Variants in PBX1 observed in about 807,000 individuals in gnomAD.
PBX1 encodes the protein PBX homeobox 1, also known as pre-B-cell leukemia transcription factor 1.
Under a neutral mutation model 53.4 loss-of-function variants are expected in PBX1, and 6 were observed. That is an observed-to-expected ratio of 0.11 (90% confidence interval 0.06 to 0.22). PBX1 has a LOEUF of 0.22. PBX1 is among the 10% of genes least tolerant of loss of function. The probability of loss-of-function intolerance (pLI) is 1.00; values close to 1 mark genes in which losing one functional copy is unlikely to be tolerated. For synonymous variants in PBX1, 204 were observed against 212.3 expected (o/e 0.96, Z 0.34); for missense variants, 251 against 551.4 (o/e 0.46, Z 5.46).
chr1:164,830,039 CTTTTGGCCAGTG>C (rs995966745), intron 8 of PBX1: 3 of 152,050 alleles, frequency 2.0e-5, no homozygotes, highest in African/African-American at 7.2e-5. Flanking sequence ...TCAGTAGCCA[CTTTTGGCCAGTG>C]GCTACCATGT....
chr1:164,768,613 G>C (rs1667197092), intron 2 of PBX1, among the ~76,000 whole-genome samples: 1 of 152,236 alleles, frequency 6.6e-6, no homozygotes, highest in Admixed American at 6.5e-5. Flanking sequence ...CAGCCAGCAA[G>C]AACAGTTGCC....
rs1671795999 is a variant in PBX1, at chr1:164,850,744, T to C, written c.*4068T>C. The C allele has an allele frequency of 5.0e-6, 1 of 201,188 alleles. No homozygotes were observed. The highest frequency in any genetic ancestry group is 1.0e-5 in the Non-Finnish European group (1 of 97,674). The allele number at this position is 201,188 out of a possible 1,614,324, so 12.5% of individuals were successfully genotyped here. A position where few individuals can be genotyped will look rare whatever the true frequency, so the allele number is the denominator to read the frequency against. ...ACACTCATGCAGTCCCTGAGAAAAA[T>C]AAAATCAGGGACATACTTCTCCTTT... is the stretch of plus-strand genomic sequence containing the variant. On this transcript the variant is annotated 3_prime_UTR_variant, in exon 9 of 9. Transcript: ENST00000420696.
In PBX1 at chr1:164,654,674, C is replaced by G. The variant is rs12069090; in HGVS notation, c.265+91363C>G. ...ATTTGGTGGCATCACATCAGTAGTT[C>G]TACTTTCTTCTCCATTCCCACACAC... On this transcript the variant is annotated intron_variant, in intron 2 of 8. Coordinates refer to ENST00000420696, the MANE Select transcript of PBX1 (RefSeq NM_002585.4). Among the ~76,000 whole-genome samples, 6 of 152,110 alleles carry G rather than the reference C, an allele frequency of 3.9e-5. 1 individual carries two copies. The highest frequency in any genetic ancestry group is 2.0e-4 in the Admixed American group (3 of 15,266).
intron 2 of PBX1, among the ~76,000 whole-genome samples, chr1:164,600,837 T>C (rs977224419): frequency 6.6e-6 from 1 of 152,184 alleles, no homozygotes; most frequent in African/African-American, 2.4e-5. Flanking sequence ...ATCCAGCCAC[T>C]GAAGTAATCC....
chr1:164,651,599 A>T (rs1337658461), intron 2 of PBX1, among the ~76,000 whole-genome samples: 1 of 152,174 alleles, frequency 6.6e-6, no homozygotes, highest in African/African-American at 2.4e-5. Flanking sequence ...GCAGGGGAAG[A>T]GGGAGGTGCA....
At chr1:164,789,444 G>A (rs546206108) in intron 2 of PBX1, among the ~76,000 whole-genome samples, 1 of 152,252 alleles carries the variant, frequency 6.6e-6, no homozygotes, top group East Asian at 1.9e-4. Context: ...GAGGAGCGAG[G>A]ATCAGAACTG....
intron 2 of PBX1, among the ~76,000 whole-genome samples, chr1:164,754,688 C>T (rs1557986864): frequency 1.3e-5 from 2 of 151,370 alleles, no homozygotes; most frequent in East Asian, 1.9e-4. Context: ...CACGTGCGTG[C>T]GTGTGTGTGT....
At chr1:164,810,186 G>A (rs1669537705) in intron 5 of PBX1, among the ~76,000 whole-genome samples, 1 of 152,100 alleles carries the variant, frequency 6.6e-6, no homozygotes, top group South Asian at 2.1e-4. Flanking sequence ...TTCAAAATGT[G>A]AATCAAACTC....
intron 8 of PBX1, among the ~76,000 whole-genome samples, chr1:164,846,146 A>G (rs1434165214): frequency 4.6e-5 from 7 of 152,108 alleles, no homozygotes; most frequent in Non-Finnish European, 8.8e-5. Context: ...CAGAGTCAGA[A>G]AGAACCCTAG....
At chr1:164,612,434 G>A (rs1005671707) in intron 2 of PBX1, among the ~76,000 whole-genome samples, 7 of 152,134 alleles carry the variant, frequency 4.6e-5, no homozygotes, top group South Asian at 2.1e-4. Flanking sequence ...TTCTAGGCTA[G>A]CGTTTAGCCA....
At chr1:164,818,964 A>G (rs576072759) in intron 6 of PBX1, 1 of 152,382 alleles carries the variant, frequency 6.6e-6, no homozygotes, top group Non-Finnish European at 1.5e-5. Context: ...TGGCTGTCTC[A>G]GAATATGAGG....
intron 2 of PBX1, among the ~76,000 whole-genome samples, chr1:164,632,748 T>C (rs1464302009): frequency 6.6e-6 from 1 of 152,140 alleles, no homozygotes; most frequent in Non-Finnish European, 1.5e-5. Context: ...ATTGGACATG[T>C]GGTATTTATG....
At chr1:164,834,328 T>C (rs1670922459) in intron 8 of PBX1, among the ~76,000 whole-genome samples, 1 of 151,444 alleles carries the variant, frequency 6.6e-6, no homozygotes, top group Non-Finnish European at 1.5e-5. Context: ...CCTGTTTCCA[T>C]TGGCCCTATT....
At chr1:164,572,523 T>C (rs893346095) in intron 2 of PBX1, among the ~76,000 whole-genome samples, 3 of 152,152 alleles carry the variant, frequency 2.0e-5, no homozygotes, top group African/African-American at 7.2e-5. Context: ...GAATTTCAGA[T>C]GTCAGGTTCC....
chr1:164,666,727 G>A (rs1660830408), intron 2 of PBX1, among the ~76,000 whole-genome samples: 1 of 152,140 alleles, frequency 6.6e-6, no homozygotes, highest in Non-Finnish European at 1.5e-5. Flanking sequence ...GGGAGTTACT[G>A]AATTTTTAAA....
At chr1:164,776,505 AC>A (rs943517493) in intron 2 of PBX1, among the ~76,000 whole-genome samples, 4 of 151,858 alleles carry the variant, frequency 2.6e-5, no homozygotes, top group African/African-American at 9.7e-5. Flanking sequence ...TGCCATTCCC[AC>A]CCCTCTTTTT....
At chr1:164,688,674 C>T (rs892533969) in intron 2 of PBX1, among the ~76,000 whole-genome samples, 6 of 152,114 alleles carry the variant, frequency 3.9e-5, no homozygotes, top group Admixed American at 2.0e-4. Context: ...ACACATGACC[C>T]TAACAACACA....
chr1:164,668,341 T>A (rs769498252), intron 2 of PBX1, among the ~76,000 whole-genome samples: 10 of 152,166 alleles, frequency 6.6e-5, no homozygotes, highest in Non-Finnish European at 1.5e-4. Flanking sequence ...TTTGGGGCGG[T>A]GGTTCGACTT....
chr1:164,867,125 GTTT>G (rs1173005736), intron 2 of PBX1, among the ~76,000 whole-genome samples: 2 of 152,164 alleles, frequency 1.3e-5, no homozygotes, highest in Non-Finnish European at 2.9e-5. Flanking sequence ...ACAGCTCTAG[GTTT>G]TACATCTTCG....
Sources: gnomAD v4.1 joint callset for allele counts (sites outside exome capture counted in the v4.1 genomes callset) on GRCh38, gnomAD v4.1.1 for gene constraint, MANE v1.5 for transcripts, NCBI Gene and HGNC (gene_info 2026-07-23, HGNC 2026-07-21) for gene names.